Variants in SNX24 observed in about 807,000 individuals in gnomAD.
The protein encoded by SNX24 is sorting nexin 24.
Under a neutral mutation model 28.7 loss-of-function variants are expected in SNX24, and 22 were observed. That is an observed-to-expected ratio of 0.77 (90% CI 0.55 to 1.10). The LOEUF (loss-of-function observed/expected upper bound fraction) is 1.10, where lower values mean the gene tolerates loss of function less well. SNX24 is among the 50% of genes least tolerant of loss of function. The pLI is 0.00. For synonymous variants in SNX24, 69 were observed against 71.5 expected (o/e 0.96, Z 0.18); for missense variants, 221 against 201.1 (o/e 1.10, Z -0.60).
At chr5:122,925,427 T>A (rs564983601) in intron 1 of SNX24, among the ~76,000 whole-genome samples, 47 of 151,390 alleles carry the variant, frequency 3.1e-4, no homozygotes, top group African/African-American at 1.1e-3. Context: ...ACCCAGCTAA[T>A]TTTTAAAAAT....
intron 1 of SNX24, among the ~76,000 whole-genome samples, chr5:122,932,858 C>CAAAAAAAAAAAAAAAAAAAAA (rs57930558): frequency 2.3e-5 from 2 of 88,016 alleles, no homozygotes; most frequent in Admixed American, 1.2e-4. Context: ...GACTCTGTCT[C>CAAAAAAAAAAAAAAAAAAAAA]AAAAAAAAAA....
chr5:122,939,607 A>T (rs1759349168), intron 2 of SNX24, among the ~76,000 whole-genome samples: 1 of 152,060 alleles, frequency 6.6e-6, no homozygotes, highest in South Asian at 2.1e-4. Context: ...AAAATTAGTC[A>T]TTTCTTCTTG....
At chr5:123,023,833 CA>C in intron 5 of SNX24, 3 of 1,607,824 alleles carry the variant, frequency 1.9e-6, no homozygotes, top group Middle Eastern at 1.9e-4. Context: ...CACACACACA[CA>C]CACCCCTGCC....
chr5:122,891,470 G>GTTTATTTTC (rs1756965043), intron 1 of SNX24, among the ~76,000 whole-genome samples: 1 of 151,958 alleles, frequency 6.6e-6, no homozygotes, highest in Non-Finnish European at 1.5e-5. Flanking sequence ...AAATGGGGGA[G>GTTTATTTTC]TTTTATTTTC....
Position 123,028,846 on chromosome 5 carries a change from C to T in SNX24, n.384-392C>T, listed in dbSNP as rs765076245. On this transcript the variant is annotated intron_variant and non_coding_transcript_variant, in intron 5 of 5. Transcript: ENST00000502387. ...ATCCTTGATGACACGATGAAACTTG[C>T]TTCCTTTATATCCATATCCTTTCTA... is the stretch of plus-strand genomic sequence containing the variant. The T allele has an allele frequency of 8.1e-6, 13 of 1,612,048 alleles. No homozygotes were observed. Among genetic ancestry groups the T allele is most frequent in the Non-Finnish European group, 1.0e-5 (12 of 1,178,286 alleles).
intron 5 of SNX24, among the ~76,000 whole-genome samples, chr5:123,026,468 A>G (rs970172835): frequency 6.6e-6 from 1 of 152,156 alleles, no homozygotes; most frequent in African/African-American, 2.4e-5. Context: ...TCTCATAACA[A>G]CCCTGAAGAG....
At chr5:122,923,568 C>T (rs1309669410) in intron 1 of SNX24, among the ~76,000 whole-genome samples, 4 of 152,112 alleles carry the variant, frequency 2.6e-5, no homozygotes, top group Non-Finnish European at 4.4e-5. Context: ...GTAGACTTTA[C>T]GAAATGGCCT....
chr5:122,985,025 G>A (rs1473121012), intron 3 of SNX24, among the ~76,000 whole-genome samples: 1 of 152,150 alleles, frequency 6.6e-6, no homozygotes, highest in Non-Finnish European at 1.5e-5. Flanking sequence ...AGGTCAGAGA[G>A]GGACTTCTTT....
At chr5:122,902,032 A>G (rs78622938) in intron 1 of SNX24, among the ~76,000 whole-genome samples, 2 of 152,226 alleles carry the variant, frequency 1.3e-5, no homozygotes, top group Admixed American at 6.5e-5. Flanking sequence ...AACCTAAAAC[A>G]TAAGAACAGT....
At chr5:122,853,262 G>A (rs1457007023) in intron 1 of SNX24, among the ~76,000 whole-genome samples, 3 of 151,634 alleles carry the variant, frequency 2.0e-5, no homozygotes, top group African/African-American at 7.3e-5. Flanking sequence ...GAGTAGCTGG[G>A]ACTACAGGCA....
chr5:122,852,350 T>A (rs77532581), intron 1 of SNX24, among the ~76,000 whole-genome samples: 1 of 146,008 alleles, frequency 6.8e-6, no homozygotes, highest in Non-Finnish European at 1.5e-5. Flanking sequence ...AATAGCTTCT[T>A]TTTTTTTTTT....
chr5:122,927,893 C>T (rs1228154103), intron 1 of SNX24, among the ~76,000 whole-genome samples: 1 of 152,190 alleles, frequency 6.6e-6, no homozygotes, highest in Non-Finnish European at 1.5e-5. Context: ...GAGCTCTTAA[C>T]TTGCCACCAC....
At chr5:122,930,365 G>T (rs1354849160) in intron 1 of SNX24, among the ~76,000 whole-genome samples, 4 of 152,132 alleles carry the variant, frequency 2.6e-5, no homozygotes, top group Admixed American at 1.3e-4. Flanking sequence ...CTTTATACAT[G>T]AATAATAATT....
intron 1 of SNX24, among the ~76,000 whole-genome samples, chr5:122,886,349 GT>G (rs1756713042): frequency 6.6e-6 from 1 of 152,098 alleles, no homozygotes; most frequent in South Asian, 2.1e-4. Flanking sequence ...TGTGTTTTCT[GT>G]TTATCAAACT....
At position 123,005,189 on chromosome 5, in the gene SNX24, T is replaced by A. The variant is rs372806806; in HGVS notation, c.443-2493T>A. Among the ~76,000 whole-genome samples the A allele has an allele frequency of 4.6e-5, 7 of 152,196 alleles. No individual in the cohort carries two copies. In the East Asian group the frequency reaches 7.7e-4, roughly 17 times the overall value. The stretch of plus-strand genomic sequence containing the variant: ...TTTTTGTCAGAGAACCCTATTTGCT[T>A]CCTTCATAGTAATGGTCACAGACTA... On this transcript the variant is annotated intron_variant, in intron 6 of 6. Transcript: ENST00000261369.
chr5:122,848,296 A>G (rs1201459602), intron 1 of SNX24, among the ~76,000 whole-genome samples: 3 of 152,106 alleles, frequency 2.0e-5, no homozygotes, highest in Admixed American at 6.5e-5. Context: ...GGATCTCACT[A>G]TATTGCACTG....
At chr5:123,014,570 A>C (rs1762649538) in intron 5 of SNX24, among the ~76,000 whole-genome samples, 1 of 151,988 alleles carries the variant, frequency 6.6e-6, no homozygotes, top group Admixed American at 6.6e-5. Context: ...GTGCTTTCCC[A>C]TCTCACTTGA....
intron 3 of SNX24, among the ~76,000 whole-genome samples, chr5:122,959,904 C>G (rs1269671405): frequency 7.2e-5 from 11 of 152,046 alleles, no homozygotes. Context: ...ATGGGGTTTA[C>G]TAAAGAATAG....
intron 5 of SNX24, among the ~76,000 whole-genome samples, chr5:123,017,426 TTG>T (rs1446391090): frequency 7.2e-5 from 10 of 137,990 alleles, no homozygotes; most frequent in Admixed American, 5.4e-4. Flanking sequence ...AAATAAAAAG[TTG>T]TTTTTTTTTT....
Sources: gnomAD v4.1 joint callset for allele counts (sites outside exome capture counted in the v4.1 genomes callset) on GRCh38, gnomAD v4.1.1 for gene constraint, MANE v1.5 for transcripts, NCBI Gene and HGNC (gene_info 2026-07-23, HGNC 2026-07-21) for gene names.